PHACTR3: variants seen among roughly 807,000 people sequenced by gnomAD.
The protein encoded by PHACTR3 is phosphatase and actin regulator 3.
In PHACTR3, 16 loss-of-function variants were observed where a neutral mutation model predicts 66.8. The ratio of observed to expected loss-of-function variants is 0.24; its 90% CI spans 0.16 to 0.36. The LOEUF (loss-of-function observed/expected upper bound fraction) is 0.36. Ranked by LOEUF, PHACTR3 falls within the 10% of genes least tolerant of loss-of-function variation. The pLI is 1.00. For synonymous variants in PHACTR3, 323 were observed against 292.1 expected (o/e 1.11, Z -1.08); for missense variants, 647 against 719.9 (o/e 0.90, Z 1.16).
chr20:59,663,849 C>T (rs1357343615), intron 1 of PHACTR3, among the ~76,000 whole-genome samples: 1 of 152,184 alleles, frequency 6.6e-6, no homozygotes, highest in Admixed American at 6.5e-5. Context: ...CATGGTTGCA[C>T]GTGCTTGGCA....
chr20:59,743,377 G>GC, intron 2 of PHACTR3, 109 bp downstream of exon 2: 1 of 1,386,016 alleles, frequency 7.2e-7, no homozygotes, highest in Non-Finnish European at 9.8e-7. Context: ...CACAGGAGGG[G>GC]CAGATGTGCT....
At chr20:59,646,673 G>T (rs543832938) in intron 1 of PHACTR3, among the ~76,000 whole-genome samples, 3 of 152,166 alleles carry the variant, frequency 2.0e-5, no homozygotes, top group Non-Finnish European at 4.4e-5. Flanking sequence ...ACCAGTCCAG[G>T]CCTGGAGGGG....
intron 1 of PHACTR3, among the ~76,000 whole-genome samples, chr20:59,721,718 A>T (rs2038308862): frequency 6.6e-6 from 1 of 152,122 alleles, no homozygotes; most frequent in Non-Finnish European, 1.5e-5. Flanking sequence ...TTGCGTGGGG[A>T]GGATACTGCT....
At position 59,784,135 on chromosome 20, in the gene PHACTR3, G is replaced by A. The variant is rs571430799; in HGVS notation, c.1174+9645G>A. Among the ~76,000 whole-genome samples, 20 of 152,268 alleles carry A rather than the reference G, an allele frequency of 1.3e-4. No individual in the cohort carries two copies. The East Asian group carries it at 1.7e-3, about 13-fold the overall frequency. ...GCCCTCTCCAGTCAGTTAAAGGTTTGAGAATAAATTGGAGTTTCCCAGAGA... is the reference window on the plus strand; with the variant it reads ...GCCCTCTCCAGTCAGTTAAAGGTTTAAGAATAAATTGGAGTTTCCCAGAGA... On this transcript the variant is annotated intron_variant, in intron 7 of 12. Coordinates refer to ENST00000371015, the MANE Select transcript of PHACTR3 (RefSeq NM_080672.5).
intron 1 of PHACTR3, among the ~76,000 whole-genome samples, chr20:59,655,095 A>C (rs867691826): frequency 1.3e-5 from 2 of 152,094 alleles, no homozygotes; most frequent in African/African-American, 4.8e-5. Context: ...AAATTATAAA[A>C]GTGAAATTGC....
At chr20:59,614,379 G>A (rs2033957853) in intron 1 of PHACTR3, among the ~76,000 whole-genome samples, 1 of 152,208 alleles carries the variant, frequency 6.6e-6, no homozygotes, top group Non-Finnish European at 1.5e-5. Flanking sequence ...GTCAGGCAAG[G>A]CGATGGCAGA....
intron 1 of PHACTR3, among the ~76,000 whole-genome samples, chr20:59,646,270 G>A (rs1315675520): frequency 6.6e-6 from 1 of 152,158 alleles, no homozygotes; most frequent in Non-Finnish European, 1.5e-5. Flanking sequence ...TTGTATACCT[G>A]GGGGCAAGGT....
At chr20:59,806,347 C>T (rs1169028126) in intron 8 of PHACTR3, among the ~76,000 whole-genome samples, 153 bp downstream of exon 8, 1 of 152,232 alleles carries the variant, frequency 6.6e-6, no homozygotes, top group Non-Finnish European at 1.5e-5. Context: ...ACGTTTGGGG[C>T]CGTGTGGAGG....
chr20:59,815,426 TTTTTTG>T lies in PHACTR3; in HGVS notation c.1328+9238_1328+9243del, dbSNP rs1339943314. Among the ~76,000 whole-genome samples the T allele has an allele frequency of 2.0e-5, 3 of 149,296 alleles. No homozygotes were observed. The East Asian group carries it at 5.9e-4, about 30-fold the overall frequency. ...CTGTACTTGGGGTTCTGGTTTTTTT[TTTTTTG>T]TTTTTTTTTTTGAGATGGACTCTCA... is the stretch of plus-strand genomic sequence containing the variant. On this transcript the variant is annotated intron_variant, in intron 8 of 12. Transcript: ENST00000371015.
At position 59,586,006 on chromosome 20, in the gene PHACTR3, A is replaced by G. The variant is rs557305489; in HGVS notation, c.109+8389A>G. ...TGAATGATTTACACACCTTTTCTAC[A>G]AGCAGACCTGGAGATGGGAATGCGC... On this transcript the variant is annotated intron_variant, in intron 1 of 12. Coordinates refer to the PHACTR3 transcript ENST00000359926. Among the ~76,000 whole-genome samples, 58 of 152,252 alleles carry G rather than the reference A, an allele frequency of 3.8e-4. 1 individual carries two copies. The South Asian group carries it at 0.012, about 31-fold the overall frequency.
intron 1 of PHACTR3, among the ~76,000 whole-genome samples, chr20:59,690,300 A>G (rs1422098838): frequency 6.6e-6 from 1 of 152,176 alleles, no homozygotes; most frequent in African/African-American, 2.4e-5. Flanking sequence ...TCTTAGCCTC[A>G]GCATCACTTC....
intron 1 of PHACTR3, among the ~76,000 whole-genome samples, chr20:59,617,019 A>G (rs373150704): frequency 4.3e-4 from 65 of 152,222 alleles, no homozygotes; most frequent in African/African-American, 1.4e-3. Context: ...TACTTCAAAC[A>G]GTGTTGACAT....
chr20:59,654,191 A>G (rs528912621), intron 1 of PHACTR3, among the ~76,000 whole-genome samples: 50 of 152,198 alleles, frequency 3.3e-4, no homozygotes, highest in Admixed American at 7.2e-4. Context: ...TATTGCTAGA[A>G]CACCAGCTCT....
intron 1 of PHACTR3, among the ~76,000 whole-genome samples, chr20:59,662,321 GAC>G (rs2035835416): frequency 6.6e-6 from 1 of 152,158 alleles, no homozygotes; most frequent in African/African-American, 2.4e-5. Context: ...TGGGGTGGGG[GAC>G]ACAGAGGCGG....
chr20:59,700,871 C>G (rs2037479709), intron 1 of PHACTR3, among the ~76,000 whole-genome samples: 1 of 152,172 alleles, frequency 6.6e-6, no homozygotes, highest in Non-Finnish European at 1.5e-5. Context: ...CTCTTTGCAG[C>G]CTCGACCTCC....
intron 3 of PHACTR3, among the ~76,000 whole-genome samples, chr20:59,749,848 C>G (rs761176624): frequency 1.3e-5 from 2 of 152,044 alleles, no homozygotes; most frequent in African/African-American, 2.4e-5. Context: ...TTTTGTCAAC[C>G]ATTTAAAGAT....
chr20:59,845,341 AC>A, intron 12 of PHACTR3, 76 bp downstream of exon 12: 1 of 910,184 alleles, frequency 1.1e-6, no homozygotes, highest in Non-Finnish European at 1.8e-6. Flanking sequence ...CCCGCCACAA[AC>A]CATGTATCCA....
chr20:59,777,434 C>T (rs997070352), intron 7 of PHACTR3, among the ~76,000 whole-genome samples: 5 of 152,146 alleles, frequency 3.3e-5, no homozygotes, highest in African/African-American at 9.7e-5. Flanking sequence ...ATTTGACCCA[C>T]AAAGTCCCCT....
intron 8 of PHACTR3, among the ~76,000 whole-genome samples, chr20:59,808,126 A>C (rs1382567954): frequency 6.6e-6 from 1 of 152,190 alleles, no homozygotes; most frequent in Non-Finnish European, 1.5e-5. Flanking sequence ...CAAGGCTACC[A>C]TGAGCCGGGT....
Sources: gnomAD v4.1 joint callset for allele counts (sites outside exome capture counted in the v4.1 genomes callset) on GRCh38, gnomAD v4.1.1 for gene constraint, MANE v1.5 for transcripts, NCBI Gene and HGNC (gene_info 2026-07-23, HGNC 2026-07-21) for gene names.